Variants in PTPRD observed in about 807,000 individuals in gnomAD.
PTPRD encodes receptor-type tyrosine-protein phosphatase delta.
PTPRD carries 34 observed loss-of-function variants against 214.5 expected under a neutral mutation model. The ratio of observed to expected loss-of-function variants is 0.16; its 90% confidence interval spans 0.12 to 0.21. PTPRD has a LOEUF of 0.21. Among genes scored for constraint, PTPRD ranks in the 10% least tolerant of loss-of-function variants. The pLI is 1.00. For missense variants in PTPRD, 2,545 were observed against 2,398.7 expected (o/e 1.06, Z -1.27); for synonymous variants, 1,128 against 845.7 (o/e 1.33, Z -5.79).
chr9:9,506,809 G>A (rs543573952), intron 8 of PTPRD, among the ~76,000 whole-genome samples: 36 of 151,358 alleles, frequency 2.4e-4, no homozygotes, highest in African/African-American at 8.4e-4. Flanking sequence ...TTTCTTAGTT[G>A]AGTCCTCTGA....
chr9:8,472,449 T>C (rs953729164), intron 30 of PTPRD, among the ~76,000 whole-genome samples: 44 of 152,108 alleles, frequency 2.9e-4, no homozygotes, highest in African/African-American at 1.0e-3. Context: ...GCAAAACCTG[T>C]AATAAACTCA....
intron 7 of PTPRD, among the ~76,000 whole-genome samples, chr9:9,662,874 A>AGATT (rs1400317711): frequency 6.6e-6 from 1 of 151,566 alleles, no homozygotes; most frequent in Non-Finnish European, 1.5e-5. Flanking sequence ...ATTCCCTGAT[A>AGATT]GATTGTACAG....
chr9:8,597,611 A>G (rs1564614079), intron 14 of PTPRD, among the ~76,000 whole-genome samples: 1 of 152,234 alleles, frequency 6.6e-6, no homozygotes, highest in Admixed American at 6.5e-5. Context: ...ATTTAGAACT[A>G]CATTTCAGAT....
intron 7 of PTPRD, among the ~76,000 whole-genome samples, chr9:9,677,512 TCAA>T (rs1437248619): frequency 1.3e-5 from 2 of 152,098 alleles, no homozygotes; most frequent in African/African-American, 4.8e-5. Flanking sequence ...TTGACAAAAT[TCAA>T]CAACACTTCA....
chr9:10,239,927 A>G (rs995260156), intron 3 of PTPRD, among the ~76,000 whole-genome samples: 4 of 151,702 alleles, frequency 2.6e-5, no homozygotes, highest in African/African-American at 9.7e-5. Flanking sequence ...AAAACCTAAA[A>G]ATATTACTCT....
intron 5 of PTPRD, among the ~76,000 whole-genome samples, chr9:9,926,006 G>T (rs764453791): frequency 2.0e-5 from 3 of 151,830 alleles, no homozygotes; most frequent in Non-Finnish European, 2.9e-5. Flanking sequence ...TTTTTTTTAA[G>T]TTTTTGTAGA....
At chr9:9,786,708 C>T (rs565502728) in intron 5 of PTPRD, among the ~76,000 whole-genome samples, 2 of 152,166 alleles carry the variant, frequency 1.3e-5, no homozygotes, top group South Asian at 4.1e-4. Context: ...ACCAACATGG[C>T]ACATGTACAC....
At chr9:10,516,611 C>G (rs1352498289) in intron 2 of PTPRD, among the ~76,000 whole-genome samples, 6 of 151,830 alleles carry the variant, frequency 4.0e-5, no homozygotes, top group Non-Finnish European at 7.4e-5. Flanking sequence ...CTTAATTTGC[C>G]TGTGCTTTTA....
chr9:9,426,682 T>TA (rs2081066609), intron 8 of PTPRD, among the ~76,000 whole-genome samples: 1 of 152,108 alleles, frequency 6.6e-6, no homozygotes, highest in Non-Finnish European at 1.5e-5. Context: ...ACACCTCATC[T>TA]GGCTGGGTGC....
intron 2 of PTPRD, among the ~76,000 whole-genome samples, chr9:10,577,887 A>C (rs1320148740): frequency 1.3e-5 from 2 of 150,798 alleles, no homozygotes; most frequent in Non-Finnish European, 2.9e-5. Context: ...AGTTAAACTA[A>C]ATATTCCAAA....
At chr9:10,537,724 A>G (rs2058164032) in intron 2 of PTPRD, among the ~76,000 whole-genome samples, 1 of 152,114 alleles carries the variant, frequency 6.6e-6, no homozygotes, top group South Asian at 2.1e-4. Flanking sequence ...ATTTATATTT[A>G]TCATCATAAT....
chr9:8,762,896 A>G (rs1311007296), intron 11 of PTPRD, among the ~76,000 whole-genome samples: 1 of 152,148 alleles, frequency 6.6e-6, no homozygotes, highest in African/African-American at 2.4e-5. Context: ...AAAGAGGGTA[A>G]CTGGAACATG....
At chr9:8,505,624 CAAAAAAA>C (rs954059567) in intron 22 of PTPRD, among the ~76,000 whole-genome samples, 132 of 55,752 alleles carry the variant, frequency 2.4e-3, no homozygotes, top group African/African-American at 9.9e-3. Flanking sequence ...GACTCTGTCT[CAAAAAAA>C]AAAAAAAAAA....
intron 3 of PTPRD, among the ~76,000 whole-genome samples, chr9:10,104,237 T>A (rs1442592115): frequency 6.6e-6 from 1 of 151,696 alleles, no homozygotes; most frequent in Non-Finnish European, 1.5e-5. Context: ...GTTCTGGAGA[T>A]GGATGGTGGT....
At chr9:10,374,818 G>T (rs1414127840) in intron 2 of PTPRD, among the ~76,000 whole-genome samples, 1 of 151,928 alleles carries the variant, frequency 6.6e-6, no homozygotes, top group South Asian at 2.1e-4. Flanking sequence ...CGGTATATAT[G>T]ACTACTTGAA....
chr9:9,965,806 C>T (rs954043749), intron 4 of PTPRD, among the ~76,000 whole-genome samples: 4 of 152,148 alleles, frequency 2.6e-5, no homozygotes, highest in Non-Finnish European at 5.9e-5. Context: ...AACATTAAAA[C>T]TTAGAGCTCT....
At chr9:10,443,852 C>A (rs999421567) in intron 2 of PTPRD, among the ~76,000 whole-genome samples, 1 of 151,434 alleles carries the variant, frequency 6.6e-6, no homozygotes, top group Non-Finnish European at 1.5e-5. Flanking sequence ...AATTCACACA[C>A]ACACACACAC....
intron 10 of PTPRD, among the ~76,000 whole-genome samples, chr9:9,149,922 C>G (rs1463365574): frequency 2.0e-5 from 3 of 152,098 alleles, no homozygotes; most frequent in Non-Finnish European, 4.4e-5. Flanking sequence ...GGACTTAGAG[C>G]TTAGTATAAA....
At chr9:9,219,965 G>A (rs1361651441) in intron 9 of PTPRD, among the ~76,000 whole-genome samples, 1 of 151,978 alleles carries the variant, frequency 6.6e-6, no homozygotes, top group African/African-American at 2.4e-5. Context: ...CATTTGATAC[G>A]GACTTTTCAC....
Sources: gnomAD v4.1 joint callset for allele counts (sites outside exome capture counted in the v4.1 genomes callset) on GRCh38, gnomAD v4.1.1 for gene constraint, MANE v1.5 for transcripts, NCBI Gene and HGNC (gene_info 2026-07-23, HGNC 2026-07-21) for gene names.